SEPTIN9: variants seen among roughly 807,000 people sequenced by gnomAD.
SEPTIN9 encodes the protein septin 9.
SEPTIN9 carries 13 observed loss-of-function variants against 56.6 expected under a neutral mutation model. That is an observed-to-expected ratio of 0.23 (90% confidence interval 0.15 to 0.37). The LOEUF (loss-of-function observed/expected upper bound fraction) is 0.37. Among genes scored for constraint, SEPTIN9 ranks in the 10% least tolerant of loss-of-function variants. SEPTIN9 has a pLI of 1.00. For missense variants in SEPTIN9, 650 were observed against 823.1 expected (o/e 0.79, Z 2.57); for synonymous variants, 332 against 334.1 (o/e 0.99, Z 0.07).
chr17:77,307,120 G>T (rs765886159), intron 1 of SEPTIN9, 21 bp from the exon 2 acceptor site: 1 of 1,613,364 alleles, frequency 6.2e-7, no homozygotes, highest in Non-Finnish European at 8.5e-7. Flanking sequence ...TGTGACCTTT[G>T]CCCTTTGTCT....
intron 2 of SEPTIN9, among the ~76,000 whole-genome samples, chr17:77,335,084 C>G (rs1484758946): frequency 6.9e-6 from 1 of 145,756 alleles, no homozygotes; most frequent in Non-Finnish European, 1.5e-5. Flanking sequence ...ATATACATAT[C>G]AGCCCTATAT....
In SEPTIN9 at chr17:77,488,848, C is replaced by T. The variant is rs2039910192; in HGVS notation, c.1246C>T (p.Pro416Ser). The part of the protein sequence containing the change: ...TRVHCCLYFI[P>S]ATGHSLRPLD... ...CGTCCACTGCTGCCTCTACTTCATC[C>T]CCGCCACCGGCCACTCGTACGTCCC... The change falls in exon 7 of 12, where the codon CCC (proline) becomes TCC (serine). Residue 416 changes from proline (P) to serine (S), a missense_variant. Physicochemically the swap from Pro to Ser is moderately conservative, Grantham distance 74. Transcript: ENST00000427177. The T allele has an allele frequency of 1.9e-6, 3 of 1,613,568 alleles. No homozygotes were observed. The highest frequency in any genetic ancestry group is 2.2e-5 in the East Asian group (1 of 44,898).
At chr17:77,439,132 C>T (rs955403300) in intron 3 of SEPTIN9, among the ~76,000 whole-genome samples, 12 of 152,150 alleles carry the variant, frequency 7.9e-5, no homozygotes, top group African/African-American at 2.7e-4. Context: ...GTGACTGGCC[C>T]AGGGTCATGC....
At chr17:77,370,394 T>C (rs2034683119) in intron 2 of SEPTIN9, among the ~76,000 whole-genome samples, 2 of 152,194 alleles carry the variant, frequency 1.3e-5, no homozygotes, top group African/African-American at 4.8e-5. Flanking sequence ...TTCTTTTCTG[T>C]CTCTTAGAAG....
rs1163260338 is a variant in SEPTIN9 at position 77,451,444 on chromosome 17, C to T, written c.722-30700C>T. ...CCGCGACCACAAAGCCCCTTTGATC[C>T]TCTGCTCGGCTCTGAGCCATGTGAC... On this transcript the variant is annotated intron_variant, in intron 3 of 11. Coordinates refer to ENST00000427177, the MANE Select transcript of SEPTIN9 (RefSeq NM_001113491.2). The surrounding 1 kb of genome is among the most constrained non-coding windows in gnomAD (Gnocchi z 4.2). 4 of 985,626 alleles carry T rather than the reference C, an allele frequency of 4.1e-6. No homozygotes were observed. Among genetic ancestry groups the T allele is most frequent in the South Asian group, 4.7e-5 (1 of 21,294 alleles). 61.1% of individuals were successfully genotyped at this position (985,626 alleles called of 1,614,324 possible).
At chr17:77,374,933 T>C (rs2034865759) in intron 2 of SEPTIN9, 1 of 152,242 alleles carries the variant, frequency 6.6e-6, no homozygotes, top group Non-Finnish European at 1.5e-5. Context: ...AGTTACTTTG[T>C]CAGCTTAGTG....
chr17:77,336,342 T>C (rs2033553755), intron 2 of SEPTIN9, among the ~76,000 whole-genome samples: 1 of 152,170 alleles, frequency 6.6e-6, no homozygotes, highest in Non-Finnish European at 1.5e-5. Flanking sequence ...ATTTTAACAA[T>C]ATTGAGTCTT....
rs117406674 is a variant in SEPTIN9 at position 77,384,239 on chromosome 17, C to T, written c.77-17820C>T. 7.9e-3 allele frequency among the ~76,000 whole-genome samples: 1,196 copies of T among 152,232 alleles called. 8 individuals carry two copies. Among genetic ancestry groups the T allele is most frequent in the Non-Finnish European group, 0.014 (919 of 68,000 alleles). ...GGCTTTTTTCATGGATTTCCGAGGC[C>T]CTGACTGTGGGACCTCGGGCAGGTT... On this transcript the variant is annotated intron_variant, in intron 2 of 11. Coordinates refer to ENST00000427177, the MANE Select transcript of SEPTIN9 (RefSeq NM_001113491.2).
intron 3 of SEPTIN9, among the ~76,000 whole-genome samples, chr17:77,431,700 C>T (rs2037138695): frequency 6.6e-6 from 1 of 152,060 alleles, no homozygotes; most frequent in Admixed American, 6.5e-5. Context: ...TGTGGTGGCA[C>T]ATGCCTGTGC....
chr17:77,317,425 TGCCTCCTGTCTGATCA>T lies in SEPTIN9; in HGVS notation c.76+10232_76+10247del, dbSNP rs2032751295. Among the ~76,000 whole-genome samples, 2 of 152,240 alleles carry T rather than the reference TGCCTCCTGTCTGATCA, an allele frequency of 1.3e-5. No individual in the cohort carries two copies. Among genetic ancestry groups the T allele is most frequent in the African/African-American group, 4.8e-5 (2 of 41,466 alleles). ...ATTGCTCGCATTACTGCCCAAGCTCTGCCTCCTGTCTGATCAGCCATGGCATTGGATTCTTATAGGA... is the reference window on the plus strand; with the variant it reads ...ATTGCTCGCATTACTGCCCAAGCTCTGCCATGGCATTGGATTCTTATAGGA... On this transcript the variant is annotated intron_variant, in intron 2 of 11. Coordinates refer to ENST00000427177, the MANE Select transcript of SEPTIN9 (RefSeq NM_001113491.2). The surrounding 1 kb of genome is among the most constrained non-coding windows in gnomAD (Gnocchi z 4.2).
rs1187143547 is a variant in SEPTIN9 at position 77,310,197 on chromosome 17, G to C, written c.76+3000G>C. Among the ~76,000 whole-genome samples, 1 of 152,146 alleles carries C rather than the reference G, an allele frequency of 6.6e-6. No individual in the cohort carries two copies. Among genetic ancestry groups the C allele is most frequent in the African/African-American group, 2.4e-5 (1 of 41,426 alleles). On this transcript the variant is annotated intron_variant, in intron 2 of 11. Transcript: ENST00000427177. The surrounding 1 kb of genome is among the most constrained non-coding windows in gnomAD (Gnocchi z 4.7). The stretch of plus-strand genomic sequence containing the variant: ...GGGTTTCACCATGTTGGTCAGGCTG[G>C]TCTCATACCCCTGACCTCAGGTGAT...
In SEPTIN9 at chr17:77,326,766, T is replaced by C. The variant is rs1235762683; in HGVS notation, c.76+19569T>C. On this transcript the variant is annotated intron_variant, in intron 2 of 11. Transcript: ENST00000427177. This position sits in a 1 kb window ranked among gnomAD's most constrained non-coding sequence, Gnocchi z 5.1. ...GGGAAGACCAGGTAGAATCACAAGG[T>C]TCAGCACCACCCCGCAACCTCCAGG... is the stretch of plus-strand genomic sequence containing the variant. 6.6e-6 allele frequency among the ~76,000 whole-genome samples: 1 copy of C among 152,060 alleles called. No individual in the cohort carries two copies. The highest frequency in any genetic ancestry group is 2.4e-5 in the African/African-American group (1 of 41,386).
chr17:77,398,863 G>C (rs1036592345), intron 2 of SEPTIN9, among the ~76,000 whole-genome samples: 7 of 152,192 alleles, frequency 4.6e-5, no homozygotes, highest in African/African-American at 1.7e-4. Flanking sequence ...GTGGGCATGG[G>C]AGTGGTGCTG....
chr17:77,448,605 T>G (rs971832988), intron 3 of SEPTIN9, among the ~76,000 whole-genome samples: 4 of 151,994 alleles, frequency 2.6e-5, no homozygotes, highest in African/African-American at 9.7e-5. Context: ...GTGCCGTGTG[T>G]GTGAAGTGCA....
At position 77,429,408 on chromosome 17, in the gene SEPTIN9, C is replaced by T. The variant is rs909782092; in HGVS notation, c.721+26705C>T. Reference sequence around the variant, plus strand: ...ACATCACCGTCCGCCTGGGCTACAGCGTGCTCGCCGATTGCATTTGGGGAG... The same window carrying T: ...ACATCACCGTCCGCCTGGGCTACAGTGTGCTCGCCGATTGCATTTGGGGAG... On this transcript the variant is annotated intron_variant, in intron 3 of 11. Transcript: ENST00000427177. The surrounding 1 kb of genome is among the most constrained non-coding windows in gnomAD (Gnocchi z 5.2). 4.4e-5 allele frequency: 18 copies of T among 404,542 alleles called. No individual in the cohort carries two copies. Among genetic ancestry groups the T allele is most frequent in the Admixed American group, 1.7e-4 (6 of 35,584 alleles). 25.1% of individuals were successfully genotyped at this position (404,542 alleles called of 1,614,324 possible).
chr17:77,307,621 G>A (rs2032322601), intron 2 of SEPTIN9, among the ~76,000 whole-genome samples: 1 of 152,168 alleles, frequency 6.6e-6, no homozygotes, highest in Non-Finnish European at 1.5e-5. Context: ...GATGCTCCAG[G>A]ATAGAGCAGA....
intron 2 of SEPTIN9, among the ~76,000 whole-genome samples, chr17:77,339,092 G>T (rs948960964): frequency 6.6e-6 from 1 of 152,156 alleles, no homozygotes; most frequent in East Asian, 1.9e-4. Flanking sequence ...CACCACATCT[G>T]CAGTGACTTC....
At chr17:77,390,344 CT>C (rs1299584109) in intron 2 of SEPTIN9, among the ~76,000 whole-genome samples, 1,380 of 33,124 alleles carry the variant, frequency 0.042, 29 homozygotes, top group African/African-American at 0.22. Context: ...AAGACTCCGT[CT>C]TAAAAAAAAA....
chr17:77,461,059 C>A (rs2038450553), intron 3 of SEPTIN9, among the ~76,000 whole-genome samples: 1 of 152,148 alleles, frequency 6.6e-6, no homozygotes, highest in African/African-American at 2.4e-5. Context: ...AATCCCAGCA[C>A]TTTGGGAGGC....
Sources: allele counts gnomAD v4.1 joint callset (sites outside exome capture counted in the v4.1 genomes callset), GRCh38; gene constraint gnomAD v4.1.1; non-coding constraint Gnocchi (gnomAD v3.1); transcripts MANE v1.5; gene names NCBI Gene and HGNC (gene_info 2026-07-23, HGNC 2026-07-21).